CNN3: variants seen among roughly 807,000 people sequenced by gnomAD.
CNN3 encodes calponin-3.
A neutral mutation model predicts 39.0 loss-of-function variants in CNN3; 11 were observed. The observed-to-expected ratio is 0.28, with a 90% CI of 0.18 to 0.47. CNN3 has a LOEUF of 0.47. Among genes scored for constraint, CNN3 ranks in the 20% least tolerant of loss-of-function variants. The pLI, the probability that CNN3 is intolerant of heterozygous loss-of-function variation, is 0.99. For missense variants in CNN3, 266 were observed against 403.4 expected (o/e 0.66, Z 2.92); for synonymous variants, 101 against 138.3 (o/e 0.73, Z 1.89).
At chr1:94,904,340 A>C (rs1305502647) in intron 1 of CNN3, among the ~76,000 whole-genome samples, 1 of 152,226 alleles carries the variant, frequency 6.6e-6, no homozygotes, top group Non-Finnish European at 1.5e-5. Context: ...TCAATTTAAA[A>C]TAATTGAAAA....
intron 4 of CNN3, 81 bp downstream of exon 4, chr1:94,902,040 A>G: frequency 4.0e-6 from 5 of 1,256,884 alleles, no homozygotes; most frequent in Non-Finnish European, 5.8e-6. Context: ...CCTGGTCTGA[A>G]CCCCCATGAA....
chr1:94,912,138 G>A (rs886579992), intron 1 of CNN3, among the ~76,000 whole-genome samples: 13 of 152,096 alleles, frequency 8.5e-5, no homozygotes, highest in Non-Finnish European at 7.4e-5. Flanking sequence ...TATAACAAAC[G>A]GTAGAAAGAT....
chr1:94,909,719 C>A (rs540345596), intron 1 of CNN3, among the ~76,000 whole-genome samples: 2 of 152,202 alleles, frequency 1.3e-5, no homozygotes, highest in African/African-American at 4.8e-5. Flanking sequence ...GAGAAGCTTC[C>A]CCCTAAGAAC....
At position 94,917,162 on chromosome 1, in the gene CNN3, G is replaced by C. The variant is rs575612823; in HGVS notation, c.57+9676C>G. Among the ~76,000 whole-genome samples the C allele has an allele frequency of 3.7e-4, 56 of 152,296 alleles. 2 individuals are homozygous for C. The South Asian group carries it at 0.011, about 29-fold the overall frequency. On this transcript the variant is annotated intron_variant, in intron 1 of 6. Coordinates refer to ENST00000370206, the MANE Select transcript of CNN3 (RefSeq NM_001839.5). The stretch of plus-strand genomic sequence containing the variant: ...AGTGATTCTCCTGCCTCAGTCTCCT[G>C]AGGAGCTGGGATTACAGGCATGCGC...
chr1:94,901,893 A>T (rs1471806380), intron 4 of CNN3, 108 bp from the exon 5 acceptor site: 1 of 789,988 alleles, frequency 1.3e-6, no homozygotes, highest in Non-Finnish European at 2.1e-6. Flanking sequence ...AGAGATAAAA[A>T]GTATTTAAGG....
chr1:94,921,288 G>A lies in CNN3; in HGVS notation c.57+5550C>T, dbSNP rs559976432. Among the ~76,000 whole-genome samples, 89 of 152,220 alleles carry A rather than the reference G, an allele frequency of 5.8e-4. 3 individuals are homozygous for A. The South Asian group carries it at 0.017, about 29-fold the overall frequency. Reference sequence around the variant, plus strand: ...CAGGTGCCTGTAATTCCAGCTACTCGGGAGGCTAAGCCAGGAGAATTGCTT... The same window carrying A: ...CAGGTGCCTGTAATTCCAGCTACTCAGGAGGCTAAGCCAGGAGAATTGCTT... On this transcript the variant is annotated intron_variant, in intron 1 of 6. Coordinates refer to ENST00000370206, the MANE Select transcript of CNN3 (RefSeq NM_001839.5).
Position 94,902,120 on chromosome 1 carries a change from C to T in CNN3, c.384+1G>A. ...ACCAGCCATTAAAGACATGTACGTA[C>T]CAGACCTGCTAGAGCCACCAGAGTA... On this transcript the variant is annotated splice_donor_variant, in intron 4 of 6. Coordinates refer to ENST00000370206, the MANE Select transcript of CNN3 (RefSeq NM_001839.5). LOFTEE classifies it high-confidence loss of function. 1 of 1,610,744 alleles carries T rather than the reference C, an allele frequency of 6.2e-7. No homozygotes were observed. The highest frequency in any genetic ancestry group is 1.1e-5 in the South Asian group (1 of 90,984).
intron 1 of CNN3, among the ~76,000 whole-genome samples, chr1:94,908,140 C>A (rs932785598): frequency 2.6e-5 from 4 of 152,186 alleles, no homozygotes; most frequent in African/African-American, 9.7e-5. Flanking sequence ...TCTAGGCACA[C>A]CTGCTGGAGA....
chr1:94,908,011 C>A (rs187209421), intron 1 of CNN3, among the ~76,000 whole-genome samples: 1 of 152,350 alleles, frequency 6.6e-6, no homozygotes, highest in East Asian at 1.9e-4. Flanking sequence ...ACAGCAGCCC[C>A]TCTCTTTATA....
At chr1:94,902,300 T>TG (rs1670890087) in intron 3 of CNN3, 42 bp from the exon 4 acceptor site, 1 of 1,542,642 alleles carries the variant, frequency 6.5e-7, no homozygotes. Context: ...AGCTAAATAT[T>TG]GACATTCATA....
chr1:94,905,462 G>A (rs1670972900), intron 1 of CNN3, among the ~76,000 whole-genome samples: 1 of 152,040 alleles, frequency 6.6e-6, no homozygotes, highest in Non-Finnish European at 1.5e-5. Flanking sequence ...TCCCCGCCAC[G>A]CCAAGGCATG....
At chr1:94,918,722 C>A (rs983013641) in intron 1 of CNN3, among the ~76,000 whole-genome samples, 4 of 151,602 alleles carry the variant, frequency 2.6e-5, no homozygotes, top group Admixed American at 2.0e-4. Flanking sequence ...GGTAAAACCC[C>A]ATCTCTACAA....
At chr1:94,910,497 TCTCA>T (rs1671131526) in intron 1 of CNN3, among the ~76,000 whole-genome samples, 1 of 152,178 alleles carries the variant, frequency 6.6e-6, no homozygotes, top group Admixed American at 6.5e-5. Flanking sequence ...TCTCCTTCCT[TCTCA>T]CTATCACTTG....
At chr1:94,905,400 C>T (rs1670971031) in intron 1 of CNN3, among the ~76,000 whole-genome samples, 1 of 152,144 alleles carries the variant, frequency 6.6e-6, no homozygotes. Flanking sequence ...TGAGAGATCC[C>T]CTGGCACATA....
At chr1:94,916,427 C>T (rs190577715) in intron 1 of CNN3, among the ~76,000 whole-genome samples, 2 of 152,178 alleles carry the variant, frequency 1.3e-5, no homozygotes, top group Admixed American at 1.3e-4. Context: ...GAACAGAGGA[C>T]GATCCTGTCT....
intron 1 of CNN3, among the ~76,000 whole-genome samples, chr1:94,920,279 T>C (rs1671407592): frequency 6.6e-6 from 1 of 152,164 alleles, no homozygotes; most frequent in African/African-American, 2.4e-5. Flanking sequence ...ATAAGGACTC[T>C]GGGGCAGATC....
chr1:94,902,026 C>A, intron 4 of CNN3, 95 bp downstream of exon 4: 2 of 1,104,824 alleles, frequency 1.8e-6, no homozygotes, highest in South Asian at 1.3e-5. Flanking sequence ...CAGGCCCCGC[C>A]CCACCTGGTC....
chr1:94,914,848 T>C (rs1397332867), intron 1 of CNN3, among the ~76,000 whole-genome samples: 2 of 152,154 alleles, frequency 1.3e-5, no homozygotes, highest in Admixed American at 6.6e-5. Flanking sequence ...TGAGAAAATA[T>C]GACATTTCCA....
chr1:94,907,151 G>A (rs915029725), intron 1 of CNN3, among the ~76,000 whole-genome samples: 6 of 152,126 alleles, frequency 3.9e-5, no homozygotes, highest in African/African-American at 7.2e-5. Context: ...GAAGAAATTC[G>A]TATGTACAAG....
Sources: allele counts gnomAD v4.1 joint callset (sites outside exome capture counted in the v4.1 genomes callset), GRCh38; gene constraint gnomAD v4.1.1; transcripts MANE v1.5; gene names NCBI Gene and HGNC (gene_info 2026-07-23, HGNC 2026-07-21).